NFYC: variants seen among roughly 807,000 people sequenced by gnomAD.
NFYC encodes CAAT box DNA-binding protein subunit C.
Under a neutral mutation model 53.1 loss-of-function variants are expected in NFYC, and 25 were observed. The ratio of observed to expected loss-of-function variants is 0.47; its 90% CI spans 0.34 to 0.66. NFYC has a LOEUF of 0.66. Among genes scored for constraint, NFYC ranks in the 30% least tolerant of loss-of-function variants. The pLI is 0.01. For synonymous variants in NFYC, 145 were observed against 152.6 expected (o/e 0.95, Z 0.37); for missense variants, 260 against 422.7 (o/e 0.62, Z 3.38).
intron 3 of NFYC, among the ~76,000 whole-genome samples, chr1:40,749,143 A>C (rs972344797): frequency 6.6e-6 from 1 of 152,194 alleles, no homozygotes; most frequent in Non-Finnish European, 1.5e-5. Context: ...CCTCTTTTTC[A>C]GTACATGAAA....
intron 6 of NFYC, among the ~76,000 whole-genome samples, chr1:40,762,223 CT>C (rs1298796848): frequency 6.6e-6 from 1 of 152,202 alleles, no homozygotes; most frequent in East Asian, 1.9e-4. Context: ...TAGGGGTAGA[CT>C]TAGTTAAGAG....
At chr1:40,758,684 A>G (rs956348437) in intron 6 of NFYC, among the ~76,000 whole-genome samples, 1 of 152,166 alleles carries the variant, frequency 6.6e-6, no homozygotes, top group African/African-American at 2.4e-5. Context: ...GAGATTAGGT[A>G]TCATTGCCAA....
chr1:40,756,500 T>C (rs201164941), intron 5 of NFYC, among the ~76,000 whole-genome samples: 5 of 152,296 alleles, frequency 3.3e-5, no homozygotes, highest in African/African-American at 9.6e-5. Flanking sequence ...AGTAACCATG[T>C]CATGCAGAGA....
At chr1:40,726,419 GTTTT>G (rs1035401177) in intron 1 of NFYC, among the ~76,000 whole-genome samples, 2 of 144,062 alleles carry the variant, frequency 1.4e-5, no homozygotes, top group Admixed American at 1.4e-4. Context: ...CATCTGGCCT[GTTTT>G]TTTTTTTTCC....
At chr1:40,721,677 C>G (rs1644332647) in intron 1 of NFYC, 1 of 152,420 alleles carries the variant, frequency 6.6e-6, no homozygotes, top group Non-Finnish European at 1.5e-5. Context: ...TCCTCCTGCC[C>G]CAGCCTCCTG....
intron 1 of NFYC, among the ~76,000 whole-genome samples, chr1:40,707,192 T>TTA (rs1553150737): frequency 6.6e-5 from 10 of 150,830 alleles, no homozygotes; most frequent in Admixed American, 2.0e-4. Flanking sequence ...GAAAATTTTT[T>TTA]TATATATATA....
At chr1:40,692,032 T>G (rs1160114021) in intron 1 of NFYC, 165 bp downstream of exon 1, 1 of 195,330 alleles carries the variant, frequency 5.1e-6, no homozygotes, top group African/African-American at 2.4e-5. Flanking sequence ...CCTGGCCCGC[T>G]GCTGTCGCCG....
chr1:40,759,786 G>C (rs1646444877), intron 6 of NFYC, among the ~76,000 whole-genome samples: 1 of 152,072 alleles, frequency 6.6e-6, no homozygotes, highest in African/African-American at 2.4e-5. Context: ...ACAGGCAAAG[G>C]CTCAGAGGTG....
intron 1 of NFYC, among the ~76,000 whole-genome samples, chr1:40,715,086 C>CAATA (rs59310200): frequency 0.23 from 32,271 of 142,384 alleles, 4,041 homozygotes; most frequent in East Asian, 0.43. Context: ...TGTCTCAAAA[C>CAATA]AATAAATAAA....
At chr1:40,759,546 CA>C (rs947535061) in intron 6 of NFYC, among the ~76,000 whole-genome samples, 3 of 126,426 alleles carry the variant, frequency 2.4e-5, no homozygotes, top group Non-Finnish European at 5.0e-5. Context: ...AAAAAAAAAA[CA>C]AAAAAAAGTA....
intron 1 of NFYC, among the ~76,000 whole-genome samples, chr1:40,732,139 T>C (rs1246914274): frequency 6.6e-6 from 1 of 152,186 alleles, no homozygotes; most frequent in African/African-American, 2.4e-5. Context: ...TTAAGTATTA[T>C]CTCCCAACAA....
intron 1 of NFYC, among the ~76,000 whole-genome samples, chr1:40,737,729 G>A (rs529073578): frequency 1.3e-5 from 2 of 152,176 alleles, no homozygotes; most frequent in South Asian, 2.1e-4. Context: ...AGAACTGGGC[G>A]AACTGGCAAG....
At chr1:40,707,048 T>C (rs948961715) in intron 1 of NFYC, among the ~76,000 whole-genome samples, 2 of 151,866 alleles carry the variant, frequency 1.3e-5, no homozygotes, top group Non-Finnish European at 2.9e-5. Context: ...TGGGCACCTG[T>C]AATCCTAGCT....
chr1:40,759,100 A>G (rs1646390609), intron 6 of NFYC, among the ~76,000 whole-genome samples: 1 of 152,204 alleles, frequency 6.6e-6, no homozygotes, highest in South Asian at 2.1e-4. Flanking sequence ...GGCTCAGCGC[A>G]GTGGCTCATG....
At chr1:40,751,884 C>T (rs1368473419) in intron 4 of NFYC, among the ~76,000 whole-genome samples, 1 of 152,036 alleles carries the variant, frequency 6.6e-6, no homozygotes, top group Non-Finnish European at 1.5e-5. Context: ...TTCTGGCAAT[C>T]TTAAGATGGG....
Position 40,770,889 on chromosome 1 carries a change from A to G in NFYC, c.*61A>G, listed in dbSNP as rs1245622851. 8 of 1,570,052 alleles carry G rather than the reference A, an allele frequency of 5.1e-6. No individual in the cohort carries two copies. The African/African-American group carries it at 9.4e-5, about 18-fold the overall frequency. On this transcript the variant is annotated 3_prime_UTR_variant, in exon 10 of 10. Coordinates refer to ENST00000447388, the MANE Select transcript of NFYC (RefSeq NM_014223.5). The surrounding 1 kb of genome is among the most constrained non-coding windows in gnomAD (Gnocchi z 5.3). The stretch of plus-strand genomic sequence containing the variant: ...AATTTTTGCCATACAGCCCCAGGCA[A>G]TGGGCACAGCCTTCCTCCCCAGAGG...
chr1:40,738,984 TAAAGA>T (rs1255576984), intron 2 of NFYC, 36 bp downstream of exon 2: 1 of 1,386,046 alleles, frequency 7.2e-7, no homozygotes, highest in African/African-American at 1.4e-5. Flanking sequence ...TAGAAACTTT[TAAAGA>T]GTATAAAGAG....
At chr1:40,733,225 A>G (rs1644858555) in intron 1 of NFYC, among the ~76,000 whole-genome samples, 2 of 151,960 alleles carry the variant, frequency 1.3e-5, no homozygotes, top group Non-Finnish European at 2.9e-5. Context: ...ATCAAATACA[A>G]TGATTGTACA....
chr1:40,754,467 C>T (rs1452825680), intron 5 of NFYC: 1 of 532,098 alleles, frequency 1.9e-6, no homozygotes, highest in Non-Finnish European at 3.9e-6. Flanking sequence ...CAGCTACGCA[C>T]CGGCTTTGAA....
Sources: allele counts gnomAD v4.1 joint callset (sites outside exome capture counted in the v4.1 genomes callset), GRCh38; gene constraint gnomAD v4.1.1; non-coding constraint Gnocchi (gnomAD v3.1); transcripts MANE v1.5; gene names NCBI Gene and HGNC (gene_info 2026-07-23, HGNC 2026-07-21).